Variants in MAL2 observed in about 807,000 individuals in gnomAD.
The protein encoded by MAL2 is protein MAL2.
A neutral mutation model predicts 18.1 loss-of-function variants in MAL2; 17 were observed. That is an observed-to-expected ratio of 0.94 (90% CI 0.64 to 1.41). The LOEUF is 1.41. MAL2 is among the 40% of genes most tolerant of loss of function. The pLI is 0.00. For missense variants in MAL2, 222 were observed against 231.9 expected (o/e 0.96, Z 0.28); for synonymous variants, 102 against 102.3 (o/e 1.00, Z 0.02).
At chr8:119,211,786 A>G (rs1173860094) in intron 1 of MAL2, among the ~76,000 whole-genome samples, 1 of 151,424 alleles carries the variant, frequency 6.6e-6, no homozygotes, top group African/African-American at 2.4e-5. Context: ...GGGCTTAGCA[A>G]TACTTACCAA....
Position 119,221,711 on chromosome 8 carries a change from T to A in MAL2, c.257T>A (p.Phe86Tyr). Reference sequence around the variant, plus strand: ...TTTTCGCTCCTCTTTCTGGGCATGTTCCTCTCTGGCATGGTGGCTCAAATT... The same window carrying A: ...TTTTCGCTCCTCTTTCTGGGCATGTACCTCTCTGGCATGGTGGCTCAAATT... ...FFFSLLFLGM[F>Y]LSGMVAQIDA... Residue 86 changes from phenylalanine (F) to tyrosine (Y), a missense_variant, in exon 2 of 4, where the codon TTC (phenylalanine) becomes TAC (tyrosine). By Grantham distance (22) the Phe-to-Tyr change is conservative. Coordinates refer to ENST00000614891, the MANE Select transcript of MAL2 (RefSeq NM_052886.3). The A allele has an allele frequency of 6.2e-7, 1 of 1,613,960 alleles. No homozygotes were observed. Among genetic ancestry groups the A allele is most frequent in the Non-Finnish European group, 8.5e-7 (1 of 1,179,856 alleles).
intron 2 of MAL2, among the ~76,000 whole-genome samples, chr8:119,233,674 G>A (rs556782098): frequency 0.013 from 1,993 of 151,730 alleles, 41 homozygotes; most frequent in African/African-American, 0.047. Flanking sequence ...TGAAATTGTG[G>A]CAATAATCAA....
At chr8:119,237,136 G>C (rs200767953) in intron 2 of MAL2, among the ~76,000 whole-genome samples, 1 of 152,086 alleles carries the variant, frequency 6.6e-6, no homozygotes, top group Non-Finnish European at 1.5e-5. Context: ...AATACAAACT[G>C]CCATCAGAGA....
At chr8:119,218,656 T>C (rs994873601) in intron 1 of MAL2, among the ~76,000 whole-genome samples, 1 of 152,176 alleles carries the variant, frequency 6.6e-6, no homozygotes, top group Non-Finnish European at 1.5e-5. Flanking sequence ...AGTGTTCTTC[T>C]ATAGTACCTA....
intron 2 of MAL2, 59 bp from the exon 3 acceptor site, chr8:119,240,106 A>G (rs1818014744): frequency 1.9e-6 from 3 of 1,541,850 alleles, no homozygotes; most frequent in Non-Finnish European, 2.7e-6. Context: ...CATTATTTAA[A>G]ATAAGGAACA....
At chr8:119,221,859 G>A (rs1487488015) in intron 2 of MAL2, 102 bp downstream of exon 2, 1 of 1,250,826 alleles carries the variant, frequency 8.0e-7, no homozygotes, top group Non-Finnish European at 1.1e-6. Context: ...CCCCTAATGG[G>A]AGAGAAGCGG....
At position 119,238,463 on chromosome 8, in the gene MAL2, G is replaced by A. The variant is rs550871898; in HGVS notation, c.304-1702G>A. On this transcript the variant is annotated intron_variant, in intron 2 of 3. Transcript: ENST00000614891. Reference sequence around the variant, plus strand: ...TAGGAACCGAAAAAGAGCCCGCATCGCCAAGTCAATCCTAAGCCAAAAGAA... The same window carrying A: ...TAGGAACCGAAAAAGAGCCCGCATCACCAAGTCAATCCTAAGCCAAAAGAA... 4.0e-3 allele frequency among the ~76,000 whole-genome samples: 607 copies of A among 151,766 alleles called. 5 individuals carry two copies. Among genetic ancestry groups the A allele is most frequent in the African/African-American group, 0.012 (504 of 41,256 alleles).
Position 119,221,709 on chromosome 8 carries a change from G to T in MAL2, c.255G>T (p.Met85Ile). ...TCTTTTCGCTCCTCTTTCTGGGCAT[G>T]TTCCTCTCTGGCATGGTGGCTCAAA... ...AFFFSLLFLGMFLSGMVAQID... is the reference protein window; with the variant it reads ...AFFFSLLFLGIFLSGMVAQID... The change falls in exon 2 of 4, where the codon ATG becomes ATT. Residue 85 changes from methionine to isoleucine, a missense_variant. By Grantham distance (10) the Met-to-Ile change is conservative. Coordinates refer to ENST00000614891, the MANE Select transcript of MAL2 (RefSeq NM_052886.3). 1 of 1,613,908 alleles carries T rather than the reference G, an allele frequency of 6.2e-7. No homozygotes were observed. Among genetic ancestry groups the T allele is most frequent in the African/African-American group, 1.3e-5 (1 of 75,038 alleles).
intron 2 of MAL2, among the ~76,000 whole-genome samples, chr8:119,239,425 G>C (rs1170338448): frequency 6.7e-6 from 1 of 149,526 alleles, no homozygotes; most frequent in African/African-American, 2.5e-5. Context: ...CCATTACTGG[G>C]TCCCAAAGGA....
chr8:119,245,656 A>G lies in MAL2; in HGVS notation c.*2168A>G, dbSNP rs1380005062. On this transcript the variant is annotated 3_prime_UTR_variant, in exon 4 of 4. Coordinates refer to ENST00000614891, the MANE Select transcript of MAL2 (RefSeq NM_052886.3). ...ATTTTATACGTGTTATGTCTCTAAT[A>G]AAGTATTCATTTGATAATCTTTGTG... 2 of 152,222 alleles carry G rather than the reference A, an allele frequency of 1.3e-5. No individual in the cohort carries two copies. Among genetic ancestry groups the G allele is most frequent in the African/African-American group, 4.8e-5 (2 of 41,458 alleles). 9.4% of individuals were successfully genotyped at this position (152,222 alleles called of 1,614,324 possible). A position where few individuals can be genotyped will look rare whatever the true frequency, so the allele number is the denominator to read the frequency against.
At chr8:119,226,436 GT>G (rs1817596999) in intron 2 of MAL2, among the ~76,000 whole-genome samples, 1 of 138,354 alleles carries the variant, frequency 7.2e-6, no homozygotes, top group African/African-American at 2.7e-5. Context: ...GTAGATGGAA[GT>G]TTGACCCTGA....
At chr8:119,232,827 G>A (rs1817761898) in intron 2 of MAL2, among the ~76,000 whole-genome samples, 1 of 147,648 alleles carries the variant, frequency 6.8e-6, no homozygotes, top group Admixed American at 6.6e-5. Flanking sequence ...GATCTCTATG[G>A]CATCTTAATC....
At chr8:119,240,363 G>A (rs749731242) in intron 3 of MAL2, 43 bp downstream of exon 3, 27 of 1,593,964 alleles carry the variant, frequency 1.7e-5, no homozygotes, top group African/African-American at 5.4e-5. Flanking sequence ...CAGCACTTCC[G>A]CTCCACTGTC....
At position 119,243,657 on chromosome 8, in the gene MAL2, T is replaced by C. The variant is rs1045402075; in HGVS notation, c.*169T>C. The C allele has an allele frequency of 2.2e-6, 1 of 448,172 alleles. No homozygotes were observed. The highest frequency in any genetic ancestry group is 3.9e-6 in the Non-Finnish European group (1 of 259,388). The allele number at this position is 448,172 out of a possible 1,614,324, so 27.8% of individuals were successfully genotyped here. A position where few individuals can be genotyped will look rare whatever the true frequency, so the allele number is the denominator to read the frequency against. ...GTTTATTTCATGGATGGAATGTTAA[T>C]TTTATTATGATATTAAAGAAATGGC... On this transcript the variant is annotated 3_prime_UTR_variant, in exon 4 of 4. Transcript: ENST00000614891.
At chr8:119,218,150 C>G (rs139419345) in intron 1 of MAL2, among the ~76,000 whole-genome samples, 3 of 152,210 alleles carry the variant, frequency 2.0e-5, no homozygotes, top group Non-Finnish European at 4.4e-5. Context: ...TCTTCCAAAG[C>G]GAGCCTGGAT....
intron 2 of MAL2, among the ~76,000 whole-genome samples, chr8:119,225,244 A>T (rs180943480): frequency 1.3e-5 from 2 of 152,100 alleles, no homozygotes. Context: ...AACATCAGGT[A>T]TATCTCCTAA....
chr8:119,240,341 A>T (rs1269481416), intron 3 of MAL2, 21 bp downstream of exon 3: 2 of 1,608,252 alleles, frequency 1.2e-6, no homozygotes, highest in Non-Finnish European at 8.5e-7. Flanking sequence ...ATATTCAATG[A>T]GTACCATTCA....
At position 119,221,750 on chromosome 8, in the gene MAL2, A is replaced by T; in HGVS notation, c.296A>T (p.Asn99Ile). The change falls in exon 2 of 4, where the codon AAC (asparagine) becomes ATC (isoleucine). Residue 99 changes from asparagine (N) to isoleucine (I), a missense_variant. Physicochemically the swap from Asn to Ile is moderately radical, Grantham distance 149 (BLOSUM62 -3). Coordinates refer to ENST00000614891, the MANE Select transcript of MAL2 (RefSeq NM_052886.3). The stretch of plus-strand genomic sequence containing the variant: ...GTGGCTCAAATTGATGCTAACTGGA[A>T]CTTCCTGGTAAGGACTTTTTATTTT... The part of the protein sequence containing the change: ...GMVAQIDANW[N>I]FLDFAYHFTV... The T allele has an allele frequency of 2.5e-6, 4 of 1,613,650 alleles. No individual in the cohort carries two copies. The highest frequency in any genetic ancestry group is 3.4e-6 in the Non-Finnish European group (4 of 1,179,758).
intron 2 of MAL2, among the ~76,000 whole-genome samples, chr8:119,232,824 ATGGC>A (rs1563775213): frequency 0.015 from 2,219 of 152,270 alleles, 1 homozygote; most frequent in African/African-American, 0.051. Context: ...ATTGATCTCT[ATGGC>A]ATCTTAATCC....
Sources: allele counts gnomAD v4.1 joint callset (sites outside exome capture counted in the v4.1 genomes callset), GRCh38; gene constraint gnomAD v4.1.1; transcripts MANE v1.5; gene names NCBI Gene and HGNC (gene_info 2026-07-23, HGNC 2026-07-21).